The following EPHA3 variants were observed in gnomAD, a reference collection of about 807,000 sequenced individuals.
EPHA3 encodes the protein ephrin type-A receptor 3.
In EPHA3, 42 loss-of-function variants were observed where a neutral mutation model predicts 107.1. The ratio of observed to expected loss-of-function variants is 0.39; its 90% CI spans 0.31 to 0.51. The LOEUF (loss-of-function observed/expected upper bound fraction) is 0.51, where lower values mean the gene tolerates loss of function less well. Among genes scored for constraint, EPHA3 ranks in the 20% least tolerant of loss-of-function variants. The probability of loss-of-function intolerance (pLI) is 0.78; values close to 1 mark genes in which losing one functional copy is unlikely to be tolerated. For synonymous variants in EPHA3, 461 were observed against 424.8 expected (o/e 1.09, Z -1.05); for missense variants, 1,183 against 1,211.2 (o/e 0.98, Z 0.35).
At chr3:89,401,176 G>T (rs1298342353) in intron 7 of EPHA3, among the ~76,000 whole-genome samples, 1 of 152,192 alleles carries the variant, frequency 6.6e-6, no homozygotes, top group Non-Finnish European at 1.5e-5. Flanking sequence ...TCATGTTGGA[G>T]TACATATTTT....
At chr3:89,390,084 A>G (rs1708693965) in intron 5 of EPHA3, among the ~76,000 whole-genome samples, 1 of 152,076 alleles carries the variant, frequency 6.6e-6, no homozygotes, top group Non-Finnish European at 1.5e-5. Context: ...CTCCACCTCC[A>G]GGATTCAAGT....
chr3:89,235,973 A>G (rs1212212261), intron 3 of EPHA3, among the ~76,000 whole-genome samples: 1 of 152,120 alleles, frequency 6.6e-6, no homozygotes, highest in Non-Finnish European at 1.5e-5. Context: ...TAAACATGGG[A>G]AGAAATGTTC....
Position 89,121,103 on chromosome 3 carries a change from G to A in EPHA3, c.89-6106G>A, listed in dbSNP as rs556255301. On this transcript the variant is annotated intron_variant, in intron 1 of 16. Transcript: ENST00000336596. Reference sequence around the variant, plus strand: ...AAAACAAAATTAGCCAGGCGTGGTGGCAGGTGCCTCTAGTCCCAGCTACTC... The same window carrying A: ...AAAACAAAATTAGCCAGGCGTGGTGACAGGTGCCTCTAGTCCCAGCTACTC... 1.2e-3 allele frequency among the ~76,000 whole-genome samples: 176 copies of A among 152,208 alleles called. 2 individuals carry two copies. Among genetic ancestry groups the A allele is most frequent in the African/African-American group, 4.0e-3 (165 of 41,564 alleles).
At chr3:89,117,740 G>GA (rs539487471) in intron 1 of EPHA3, among the ~76,000 whole-genome samples, 17 of 151,324 alleles carry the variant, frequency 1.1e-4, no homozygotes, top group East Asian at 7.7e-4. Flanking sequence ...CAGGTGATGT[G>GA]AAAAAAACAA....
intron 3 of EPHA3, among the ~76,000 whole-genome samples, chr3:89,265,356 A>C (rs1268593753): frequency 1.3e-5 from 2 of 152,084 alleles, no homozygotes; most frequent in Admixed American, 1.3e-4. Flanking sequence ...TCAACAATTA[A>C]TTTTCATGAA....
intron 3 of EPHA3, among the ~76,000 whole-genome samples, chr3:89,219,686 A>ATGTGTTTTTTTTTGTT (rs746458955): frequency 2.6e-5 from 1 of 38,812 alleles, no homozygotes; most frequent in Admixed American, 4.7e-4. Context: ...GCATTTGGCA[A>ATGTGTTTTTTTTTGTT]TGTTTTTTTT....
At chr3:89,476,339 A>T (rs1428122948) in intron 16 of EPHA3, among the ~76,000 whole-genome samples, 2 of 148,372 alleles carry the variant, frequency 1.3e-5, no homozygotes, top group Non-Finnish European at 3.0e-5. Flanking sequence ...AGAAGTGATG[A>T]GGAATGTCTC....
At chr3:89,359,865 G>A (rs1260874021) in intron 5 of EPHA3, among the ~76,000 whole-genome samples, 1 of 124,660 alleles carries the variant, frequency 8.0e-6, no homozygotes, top group East Asian at 2.1e-4. Flanking sequence ...TTGGATTGTT[G>A]CAGTGGCCTG....
At position 89,359,784 on chromosome 3, in the gene EPHA3, T is replaced by TATATATACATATATACACATATATATAC. The variant is rs1463327195; in HGVS notation, c.1306+17702_1306+17729dup. Among the ~76,000 whole-genome samples, 146 of 145,264 alleles carry TATATATACATATATACACATATATATAC rather than the reference T, an allele frequency of 1.0e-3. 9 individuals carry two copies. The highest frequency in any genetic ancestry group is 1.8e-3 in the Non-Finnish European group (117 of 66,142). On this transcript the variant is annotated intron_variant, in intron 5 of 16. Transcript: ENST00000336596. ...ACATATATACACACATATATATACA[T>TATATATACATATATACACATATATATAC]ATATATACATATATACACATATATA...
rs143480115 is a variant in EPHA3, at chr3:89,320,580, A to G, written c.815-20336A>G. Among the ~76,000 whole-genome samples the G allele has an allele frequency of 1.3e-4, 19 of 142,400 alleles. No homozygotes were observed. The East Asian group carries it at 3.4e-3, about 25-fold the overall frequency. 93.4% of individuals were successfully genotyped at this position (142,400 alleles called of 152,430 possible). A position where few individuals can be genotyped will look rare whatever the true frequency, so the allele number is the denominator to read the frequency against. On this transcript the variant is annotated intron_variant, in intron 3 of 16. Transcript: ENST00000336596. ...TTTACTCTAGGATATGAGATTTTAA[A>G]TGAAACAATCCCATGGACTTTTTTT...
At chr3:89,322,095 C>G (rs1287630924) in intron 3 of EPHA3, among the ~76,000 whole-genome samples, 1 of 151,704 alleles carries the variant, frequency 6.6e-6, no homozygotes, top group Non-Finnish European at 1.5e-5. Flanking sequence ...AGTAACTGCA[C>G]ACACACACAA....
chr3:89,164,944 C>CA (rs1276016983), intron 2 of EPHA3, among the ~76,000 whole-genome samples: 2 of 152,102 alleles, frequency 1.3e-5, no homozygotes, highest in African/African-American at 4.8e-5. Context: ...AACAAACAAA[C>CA]AAAAATCTTT....
At chr3:89,129,298 G>C (rs562973162) in intron 2 of EPHA3, among the ~76,000 whole-genome samples, 6 of 152,038 alleles carry the variant, frequency 3.9e-5, no homozygotes, top group Non-Finnish European at 5.9e-5. Context: ...CTTCATTGCT[G>C]TCCTCTGTTG....
intron 5 of EPHA3, among the ~76,000 whole-genome samples, chr3:89,375,585 A>AT (rs981147321): frequency 7.5e-5 from 11 of 147,248 alleles, no homozygotes; most frequent in African/African-American, 3.0e-4. Flanking sequence ...TCATTGACTG[A>AT]GAGCTGTTCC....
At chr3:89,346,780 G>T (rs1707668549) in intron 5 of EPHA3, among the ~76,000 whole-genome samples, 1 of 145,594 alleles carries the variant, frequency 6.9e-6, no homozygotes, top group African/African-American at 2.5e-5. Context: ...AATCCATCTT[G>T]AATTGATTTT....
chr3:89,354,919 T>A (rs1297191984), intron 5 of EPHA3, among the ~76,000 whole-genome samples: 2 of 151,132 alleles, frequency 1.3e-5, no homozygotes, highest in African/African-American at 4.8e-5. Flanking sequence ...AAGATGGTTA[T>A]TTTATTATAG....
chr3:89,160,275 T>C (rs1450856989), intron 2 of EPHA3, among the ~76,000 whole-genome samples: 1 of 152,172 alleles, frequency 6.6e-6, no homozygotes, highest in Non-Finnish European at 1.5e-5. Flanking sequence ...ATAAACTGTA[T>C]GCTATGTTAA....
At position 89,337,429 on chromosome 3, in the gene EPHA3, C is replaced by T. The variant is rs192237603; in HGVS notation, c.815-3487C>T. 6.6e-5 allele frequency among the ~76,000 whole-genome samples: 10 copies of T among 152,156 alleles called. No individual in the cohort carries two copies. The East Asian group carries it at 1.7e-3, about 26-fold the overall frequency. On this transcript the variant is annotated intron_variant, in intron 3 of 16. Coordinates refer to ENST00000336596, the MANE Select transcript of EPHA3 (RefSeq NM_005233.6). The stretch of plus-strand genomic sequence containing the variant: ...AAAATACACAGACTGATACCTACAC[C>T]GATAATTTCAATAGAACTTTGATAA...
intron 3 of EPHA3, among the ~76,000 whole-genome samples, chr3:89,255,765 G>T (rs1705270349): frequency 6.6e-6 from 1 of 152,040 alleles, no homozygotes; most frequent in Non-Finnish European, 1.5e-5. Flanking sequence ...GCCAGGCATG[G>T]TGGCACATCC....
Sources: allele counts gnomAD v4.1 joint callset (sites outside exome capture counted in the v4.1 genomes callset), GRCh38; gene constraint gnomAD v4.1.1; transcripts MANE v1.5; gene names NCBI Gene and HGNC (gene_info 2026-07-23, HGNC 2026-07-21).